Variants in MAPK10 observed in about 807,000 individuals in gnomAD.
The protein encoded by MAPK10 is JNK3 alpha protein kinase.
MAPK10 carries 25 observed loss-of-function variants against 59.3 expected under a neutral mutation model. The ratio of observed to expected loss-of-function variants is 0.42; its 90% CI spans 0.31 to 0.59. The LOEUF is 0.59. MAPK10 is among the 20% of genes least tolerant of loss of function. The probability of loss-of-function intolerance (pLI) is 0.15; values close to 1 mark genes in which losing one functional copy is unlikely to be tolerated. For missense variants in MAPK10, 351 were observed against 568.9 expected (o/e 0.62, Z 3.90); for synonymous variants, 190 against 200.5 (o/e 0.95, Z 0.44).
chr4:86,179,167 A>T (rs1008334254), intron 3 of MAPK10, among the ~76,000 whole-genome samples: 2 of 152,068 alleles, frequency 1.3e-5, no homozygotes, highest in Non-Finnish European at 2.9e-5. Flanking sequence ...GTACCACTGC[A>T]CTCCAGCCTG....
rs143645449 is a variant in MAPK10, at chr4:86,058,615, G to A, written c.1110+5651C>T. ...GCCCCCTAGCTCTCAGGTTGGTAGTGGCTTCCCATTTTTGCTTATCTCTGT... is the reference window on the plus strand; with the variant it reads ...GCCCCCTAGCTCTCAGGTTGGTAGTAGCTTCCCATTTTTGCTTATCTCTGT... On this transcript the variant is annotated intron_variant, in intron 11 of 13. Transcript: ENST00000641462. Among the ~76,000 whole-genome samples, 1,201 of 149,562 alleles carry A rather than the reference G, an allele frequency of 8.0e-3. 131 individuals are homozygous for A. The highest frequency in any genetic ancestry group is 0.028 in the African/African-American group (1,126 of 39,850).
chr4:86,239,744 T>C (rs2092579707), intron 2 of MAPK10, among the ~76,000 whole-genome samples: 1 of 151,842 alleles, frequency 6.6e-6, no homozygotes, highest in African/African-American at 2.4e-5. Context: ...TCTCTCTTCT[T>C]CTTTATTAGT....
At chr4:86,581,675 ATT>A (rs1762277146) in intron 1 of MAPK10, among the ~76,000 whole-genome samples, 3 of 118,326 alleles carry the variant, frequency 2.5e-5, no homozygotes, top group African/African-American at 9.5e-5. Flanking sequence ...TTTTTCAGTT[ATT>A]GTGTGTGTGT....
chr4:86,151,866 A>G (rs1395165084), intron 4 of MAPK10: 1 of 152,226 alleles, frequency 6.6e-6, no homozygotes, highest in East Asian at 1.9e-4. Context: ...ATTATTTAAC[A>G]TCCCAGATGT....
chr4:86,094,828 A>T (rs1580150113), intron 9 of MAPK10, among the ~76,000 whole-genome samples: 2 of 151,050 alleles, frequency 1.3e-5, no homozygotes, highest in Admixed American at 6.6e-5. Flanking sequence ...TGGACTACAT[A>T]AAAAAAAATA....
chr4:86,468,489 T>C (rs1416486860), intron 1 of MAPK10, among the ~76,000 whole-genome samples: 2 of 152,202 alleles, frequency 1.3e-5, no homozygotes, highest in Admixed American at 6.5e-5. Context: ...GCTTATTAAA[T>C]AGAAAAATAG....
At chr4:86,113,106 T>C (rs56747754) in intron 4 of MAPK10, among the ~76,000 whole-genome samples, 3,910 of 152,266 alleles carry the variant, frequency 0.026, 165 homozygotes, top group African/African-American at 0.088. Flanking sequence ...AGCCTATGTG[T>C]GTCTGTGCAC....
At chr4:86,145,115 G>C (rs2064594579) in intron 4 of MAPK10, among the ~76,000 whole-genome samples, 1 of 152,152 alleles carries the variant, frequency 6.6e-6, no homozygotes, top group African/African-American at 2.4e-5. Context: ...TGGGTCCAGT[G>C]ATCTTTTCTA....
At chr4:86,235,692 T>G (rs939605489) in intron 2 of MAPK10, among the ~76,000 whole-genome samples, 8 of 151,986 alleles carry the variant, frequency 5.3e-5, no homozygotes, top group Non-Finnish European at 1.2e-4. Flanking sequence ...GACAAGCAAA[T>G]AGTTACAATA....
At chr4:86,188,598 G>C (rs2078859593) in intron 3 of MAPK10, among the ~76,000 whole-genome samples, 1 of 151,938 alleles carries the variant, frequency 6.6e-6, no homozygotes, top group South Asian at 2.1e-4. Flanking sequence ...GGGGTTGTTT[G>C]TTATTTTCTC....
At chr4:86,279,494 G>C (rs1335480752) in intron 2 of MAPK10, among the ~76,000 whole-genome samples, 3 of 152,170 alleles carry the variant, frequency 2.0e-5, no homozygotes, top group African/African-American at 7.2e-5. Flanking sequence ...CTGCCACATA[G>C]AGCTGTTGTA....
intron 1 of MAPK10, among the ~76,000 whole-genome samples, chr4:86,519,369 T>C (rs1756941696): frequency 6.6e-6 from 1 of 152,234 alleles, no homozygotes; most frequent in Non-Finnish European, 1.5e-5. Context: ...TTATATAATG[T>C]CCCTCTGCGT....
intron 2 of MAPK10, among the ~76,000 whole-genome samples, chr4:86,291,982 T>A (rs2095241427): frequency 3.3e-5 from 5 of 152,194 alleles, no homozygotes; most frequent in African/African-American, 1.2e-4. Context: ...TACATTGGAC[T>A]TTTTCTCATA....
At chr4:86,067,315 T>C (rs1247827234) in intron 10 of MAPK10, among the ~76,000 whole-genome samples, 1 of 152,052 alleles carries the variant, frequency 6.6e-6, no homozygotes, top group African/African-American at 2.4e-5. Context: ...CTAATTTTTT[T>C]ATATTTTTAG....
chr4:86,436,678 A>G (rs945720367), intron 1 of MAPK10, among the ~76,000 whole-genome samples: 8 of 152,176 alleles, frequency 5.3e-5, no homozygotes, highest in Admixed American at 5.2e-4. Flanking sequence ...TTTCATATGT[A>G]TCCAGTCATG....
At chr4:86,305,025 A>G (rs573724595) in intron 2 of MAPK10, among the ~76,000 whole-genome samples, 2 of 152,312 alleles carry the variant, frequency 1.3e-5, no homozygotes, top group Non-Finnish European at 2.9e-5. Context: ...CACCCACCAG[A>G]GTGTTTAAAA....
upstream of MAPK10, among the ~76,000 whole-genome samples, chr4:86,361,775 G>A (rs1737008813): frequency 6.6e-6 from 1 of 152,078 alleles, no homozygotes; most frequent in African/African-American, 2.4e-5. Context: ...AGTGAAATAA[G>A]CCAGGCACAG....
chr4:86,175,540 T>A (rs1284918707), intron 3 of MAPK10, among the ~76,000 whole-genome samples: 2 of 151,974 alleles, frequency 1.3e-5, no homozygotes, highest in Non-Finnish European at 2.9e-5. Flanking sequence ...AATAGTGAGT[T>A]CTCGTGAGAT....
intron 2 of MAPK10, among the ~76,000 whole-genome samples, chr4:86,268,822 C>G (rs1436617522): frequency 6.6e-6 from 1 of 152,092 alleles, no homozygotes; most frequent in Non-Finnish European, 1.5e-5. Flanking sequence ...TTAAATGCAT[C>G]ATAGCATGTA....
Sources: allele counts gnomAD v4.1 joint callset (sites outside exome capture counted in the v4.1 genomes callset), GRCh38; gene constraint gnomAD v4.1.1; transcripts MANE v1.5; gene names NCBI Gene and HGNC (gene_info 2026-07-23, HGNC 2026-07-21).